Variants in KLHL18 observed in about 807,000 individuals in gnomAD.
KLHL18 encodes kelch like family member 18.
In KLHL18, 38 loss-of-function variants were observed where a neutral mutation model predicts 58.5. That is an observed-to-expected ratio of 0.65 (90% CI 0.50 to 0.85). The LOEUF is 0.85. Among genes scored for constraint, KLHL18 ranks in the 40% least tolerant of loss-of-function variants. The pLI, the probability that KLHL18 is intolerant of heterozygous loss-of-function variation, is 0.00. For synonymous variants in KLHL18, 303 were observed against 301.9 expected, an observed-to-expected ratio of 1.00 and a Z score of -0.04; for missense variants, 624 against 778.4, an observed-to-expected ratio of 0.80 and a Z score of 2.36.
intron 1 of KLHL18, among the ~76,000 whole-genome samples, chr3:47,312,180 A>G (rs1165644647): frequency 6.6e-6 from 1 of 152,210 alleles, no homozygotes; most frequent in African/African-American, 2.4e-5. Flanking sequence ...TGAATACACA[A>G]GGAGATCTCA....
chr3:47,297,343 G>A (rs1354532499), intron 1 of KLHL18, among the ~76,000 whole-genome samples: 1 of 152,154 alleles, frequency 6.6e-6, no homozygotes, highest in Non-Finnish European at 1.5e-5. Flanking sequence ...GTGTCTCTCT[G>A]TCCGTATTCT....
At position 47,334,026 on chromosome 3, in the gene KLHL18, C is replaced by T. The variant is rs1223623928; in HGVS notation, c.762-657C>T. ...CATTCAGCTTTCTTTCATTTTCCAA[C>T]TCCTGGTTGGGATCAGCTGGTTCAG... On this transcript the variant is annotated intron_variant, in intron 5 of 9. Coordinates refer to ENST00000232766, the MANE Select transcript of KLHL18 (RefSeq NM_025010.5). This position sits in a 1 kb window ranked among gnomAD's most constrained non-coding sequence, Gnocchi z 4.7. Among the ~76,000 whole-genome samples the T allele has an allele frequency of 6.6e-6, 1 of 152,192 alleles. No homozygotes were observed. Among genetic ancestry groups the T allele is most frequent in the Non-Finnish European group, 1.5e-5 (1 of 68,040 alleles).
At chr3:47,283,515 C>T (rs111304844) in intron 1 of KLHL18, 118 of 186,196 alleles carry the variant, frequency 6.3e-4, no homozygotes, top group African/African-American at 2.6e-3. Flanking sequence ...CTGTGCTGTT[C>T]TAGAAGAGAA....
intron 1 of KLHL18, among the ~76,000 whole-genome samples, chr3:47,292,500 A>G (rs984576939): frequency 2.0e-5 from 3 of 152,134 alleles, no homozygotes; most frequent in African/African-American, 7.2e-5. Context: ...TTCAAAAAAT[A>G]AGCTCAAGAA....
chr3:47,321,998 A>G (rs1424361308), intron 2 of KLHL18, among the ~76,000 whole-genome samples: 1 of 152,212 alleles, frequency 6.6e-6, no homozygotes, highest in Non-Finnish European at 1.5e-5. Flanking sequence ...CAGAGCACAT[A>G]CAGCCTTATA....
intron 1 of KLHL18, among the ~76,000 whole-genome samples, chr3:47,307,556 T>C (rs534936129): frequency 1.3e-5 from 2 of 151,464 alleles, no homozygotes; most frequent in South Asian, 4.2e-4. Context: ...TTTTTTTTTG[T>C]ATTTTATAAA....
intron 1 of KLHL18, among the ~76,000 whole-genome samples, chr3:47,304,267 G>A (rs1258731352): frequency 6.6e-6 from 1 of 152,164 alleles, no homozygotes; most frequent in Non-Finnish European, 1.5e-5. Context: ...CACTTTGGGA[G>A]GCCAAGGTGG....
chr3:47,301,352 A>G (rs1703021034), intron 1 of KLHL18, among the ~76,000 whole-genome samples: 1 of 152,144 alleles, frequency 6.6e-6, no homozygotes, highest in African/African-American at 2.4e-5. Context: ...TTATAGTTTT[A>G]AGTTTTATAT....
chr3:47,344,000 A>G lies in KLHL18; in HGVS notation c.*59A>G. 1 of 1,580,406 alleles carries G rather than the reference A, an allele frequency of 6.3e-7. No individual in the cohort carries two copies. Among genetic ancestry groups the G allele is most frequent in the Non-Finnish European group, 8.5e-7 (1 of 1,170,514 alleles). On this transcript the variant is annotated 3_prime_UTR_variant, in exon 10 of 10. Transcript: ENST00000232766. The stretch of plus-strand genomic sequence containing the variant: ...GGTACAGACATAGGCGCTTCCTTCC[A>G]GGAACAGTCCCTCAGGAGAGGCAGT...
intron 3 of KLHL18, among the ~76,000 whole-genome samples, chr3:47,327,167 A>G (rs1703744923): frequency 6.6e-6 from 1 of 152,180 alleles, no homozygotes. Flanking sequence ...TGAACCCAGG[A>G]GGCAGAGGTT....
chr3:47,282,954 C>A lies in KLHL18; in HGVS notation c.-12C>A. ...GCCGGCGAGGCCTGCGCAGTTGCAGCGGCCGGGGAAGATGGTGGAGGACGG... is the reference window on the plus strand; with the variant it reads ...GCCGGCGAGGCCTGCGCAGTTGCAGAGGCCGGGGAAGATGGTGGAGGACGG... On this transcript the variant is annotated 5_prime_UTR_variant, in exon 1 of 10. Transcript: ENST00000232766. The A allele has an allele frequency of 6.2e-7, 1 of 1,606,106 alleles. No homozygotes were observed. The highest frequency in any genetic ancestry group is 1.1e-5 in the South Asian group (1 of 89,730).
At chr3:47,306,266 C>T (rs1703146424) in intron 1 of KLHL18, among the ~76,000 whole-genome samples, 1 of 152,042 alleles carries the variant, frequency 6.6e-6, no homozygotes, top group South Asian at 2.1e-4. Flanking sequence ...TTTAGAGACT[C>T]CTCTTTGACC....
rs1446434282 is a variant in KLHL18, at chr3:47,316,677, GTA to G, written c.130-2972_130-2971del. On this transcript the variant is annotated intron_variant, in intron 1 of 9. Coordinates refer to ENST00000232766, the MANE Select transcript of KLHL18 (RefSeq NM_025010.5). ...TATATATACATATATACGTATATAT[GTA>G]TATGTGTGTGTATATATACATATAT... 1.2e-3 allele frequency among the ~76,000 whole-genome samples: 80 copies of G among 68,588 alleles called. 2 individuals are homozygous for G. The highest frequency in any genetic ancestry group is 5.3e-3 in the African/African-American group (71 of 13,464). The allele number at this position is 68,588 out of a possible 152,430, so 45.0% of individuals were successfully genotyped here.
At chr3:47,312,769 T>A (rs1703332202) in intron 1 of KLHL18, among the ~76,000 whole-genome samples, 1 of 152,182 alleles carries the variant, frequency 6.6e-6, no homozygotes. Context: ...GGCCTCAAAC[T>A]CCTAGTAGCT....
intron 2 of KLHL18, among the ~76,000 whole-genome samples, chr3:47,320,455 G>T (rs954971116): frequency 6.6e-6 from 1 of 152,150 alleles, no homozygotes; most frequent in African/African-American, 2.4e-5. Context: ...AGCTCAAGGA[G>T]ATCAAGCCCA....
intron 2 of KLHL18, among the ~76,000 whole-genome samples, chr3:47,320,058 G>C (rs1315777012): frequency 2.7e-5 from 4 of 149,944 alleles, no homozygotes. Context: ...TTTTTGACTG[G>C]GGCTGGGTTT....
rs1318771583 is a variant in KLHL18 at position 47,345,105 on chromosome 3, A to G, written c.*1164A>G. The G allele has an allele frequency of 6.6e-6, 1 of 152,322 alleles. No individual in the cohort carries two copies. Among genetic ancestry groups the G allele is most frequent in the African/African-American group, 2.4e-5 (1 of 41,436 alleles). The allele number at this position is 152,322 out of a possible 1,614,324, so 9.4% of individuals were successfully genotyped here. ...TGCTTCCTTTTTTGACCAGCAGGAA[A>G]CAGCAGGTCTGGCCAGATTCTCACT... On this transcript the variant is annotated 3_prime_UTR_variant, in exon 10 of 10. Coordinates refer to ENST00000232766, the MANE Select transcript of KLHL18 (RefSeq NM_025010.5).
intron 1 of KLHL18, among the ~76,000 whole-genome samples, chr3:47,300,804 A>G (rs1482225444): frequency 1.3e-5 from 2 of 151,494 alleles, no homozygotes; most frequent in Non-Finnish European, 2.9e-5. Context: ...ATGCCTGGCT[A>G]ATTTTTGTAT....
At chr3:47,298,992 T>C (rs891682036) in intron 1 of KLHL18, among the ~76,000 whole-genome samples, 1 of 152,252 alleles carries the variant, frequency 6.6e-6, no homozygotes, top group Non-Finnish European at 1.5e-5. Context: ...CTGCTATGGA[T>C]ATTCATGTAC....
Sources: gnomAD v4.1 joint callset for allele counts (sites outside exome capture counted in the v4.1 genomes callset) on GRCh38, gnomAD v4.1.1 for gene constraint, Gnocchi (gnomAD v3.1) non-coding constraint, MANE v1.5 for transcripts, NCBI Gene and HGNC (gene_info 2026-07-23, HGNC 2026-07-21) for gene names.